Variants in RFPL1 observed in about 807,000 individuals in gnomAD.
RFPL1 encodes ret finger protein-like 1.
A neutral mutation model predicts 9.6 loss-of-function variants in RFPL1; 6 were observed. The ratio of observed to expected loss-of-function variants is 0.62; its 90% confidence interval spans 0.34 to 1.23. RFPL1 has a LOEUF of 1.23. RFPL1 is among the 50% of genes most tolerant of loss of function. RFPL1 has a pLI of 0.03. For synonymous variants in RFPL1, 145 were observed against 149.4 expected (o/e 0.97, Z 0.22); for missense variants, 352 against 398.4 (o/e 0.88, Z 0.99).
chr22:29,415,484 C>T, the RFPL1 span, among the ~76,000 whole-genome samples: 5 of 152,278 alleles, frequency 3.3e-5, no homozygotes, highest in African/African-American at 1.2e-4. Context: ...TACCCAGGAG[C>T]ATGCTCAGGA....
At chr22:29,393,848 G>T in the RFPL1 span, among the ~76,000 whole-genome samples, 1 of 152,094 alleles carries the variant, frequency 6.6e-6, no homozygotes, top group Admixed American at 6.5e-5. Flanking sequence ...ACTAATTTTT[G>T]TATTTTTAGT....
At chr22:29,413,987 C>T in the RFPL1 span, among the ~76,000 whole-genome samples, 1,093 of 152,320 alleles carry the variant, frequency 7.2e-3, 14 homozygotes, top group African/African-American at 0.025. Context: ...TTACCTTATA[C>T]ACCTTGCACA....
chr22:29,433,085 G>A, the RFPL1 span: 1 of 151,916 alleles, frequency 6.6e-6, no homozygotes, highest in Non-Finnish European at 1.5e-5. Context: ...TCGAGGTCAG[G>A]AGTTAAAGAC....
At chr22:29,441,394 G>A in intron 1 of RFPL1, 148 bp from the exon 2 acceptor site, 1 of 872,646 alleles carries the variant, frequency 1.1e-6, no homozygotes, top group Non-Finnish European at 1.8e-6. Context: ...AACTAGTCAG[G>A]GAAGTTGCCT....
chr22:29,394,674 C>T, the RFPL1 span, among the ~76,000 whole-genome samples: 1 of 152,246 alleles, frequency 6.6e-6, no homozygotes, highest in African/African-American at 2.4e-5. Flanking sequence ...TTTCTCTTCT[C>T]TGCGAACTGT....
At chr22:29,428,045 T>C in the RFPL1 span, among the ~76,000 whole-genome samples, 3 of 152,332 alleles carry the variant, frequency 2.0e-5, no homozygotes, top group South Asian at 6.2e-4. Flanking sequence ...CTTCTGTTCA[T>C]AAGTCCCTAT....
At chr22:29,406,854 G>A in the RFPL1 span, among the ~76,000 whole-genome samples, 9 of 152,044 alleles carry the variant, frequency 5.9e-5, no homozygotes, top group Non-Finnish European at 4.4e-5. Flanking sequence ...AGACGGCACG[G>A]GATTTGGCCT....
chr22:29,437,879 G>T, upstream of RFPL1: 1 of 680,152 alleles, frequency 1.5e-6, no homozygotes, highest in Non-Finnish European at 2.3e-6. Flanking sequence ...CAGTCACCCT[G>T]GATCCCCAGA....
At chr22:29,433,878 G>A (rs150060506), upstream of RFPL1, among the ~76,000 whole-genome samples, 2,480 of 152,188 alleles carry the variant, frequency 0.016, 29 homozygotes, top group Middle Eastern at 0.058. Flanking sequence ...GTTATTTAAA[G>A]TATTGTTGAA....
chr22:29,402,285 C>T, the RFPL1 span, among the ~76,000 whole-genome samples: 4 of 152,234 alleles, frequency 2.6e-5, no homozygotes, highest in South Asian at 2.1e-4. Flanking sequence ...ACAGCTGGAA[C>T]ACTGTCAGGC....
the RFPL1 span, among the ~76,000 whole-genome samples, chr22:29,399,004 G>A: frequency 6.6e-6 from 1 of 152,276 alleles, no homozygotes; most frequent in East Asian, 1.9e-4. Flanking sequence ...CTTGGTCAAA[G>A]CGACCTCCAG....
chr22:29,425,229 A>G, the RFPL1 span, among the ~76,000 whole-genome samples: 1 of 151,092 alleles, frequency 6.6e-6, no homozygotes, highest in African/African-American at 2.4e-5. Context: ...AAAGAAAACC[A>G]CACAACTCCA....
chr22:29,396,929 C>T, the RFPL1 span, among the ~76,000 whole-genome samples: 54 of 101,916 alleles, frequency 5.3e-4, no homozygotes, highest in Non-Finnish European at 8.7e-4. Context: ...TTTTTTGAGA[C>T]GGAGTCTCGC....
the RFPL1 span, chr22:29,388,641 T>A: frequency 1.7e-4 from 26 of 151,370 alleles, no homozygotes; most frequent in African/African-American, 6.1e-4. Flanking sequence ...CTGGCGGGGG[T>A]GGTGCCCGTG....
the RFPL1 span, among the ~76,000 whole-genome samples, chr22:29,425,158 T>C: frequency 6.8e-6 from 1 of 146,086 alleles, no homozygotes; most frequent in African/African-American, 2.5e-5. Flanking sequence ...GAGCCGAGAT[T>C]GCGCCACTGC....
At chr22:29,410,281 G>GATATATAT in the RFPL1 span, among the ~76,000 whole-genome samples, 2 of 110,912 alleles carry the variant, frequency 1.8e-5, no homozygotes, top group African/African-American at 6.8e-5. Context: ...TATATATATA[G>GATATATAT]ATCTATATAT....
At chr22:29,397,310 C>A in the RFPL1 span, among the ~76,000 whole-genome samples, 4 of 152,120 alleles carry the variant, frequency 2.6e-5, no homozygotes, top group Admixed American at 2.6e-4. Flanking sequence ...GTGCTTGAAC[C>A]CTGACTGAAT....
the RFPL1 span, among the ~76,000 whole-genome samples, chr22:29,412,326 T>C: frequency 3.9e-5 from 6 of 152,196 alleles, no homozygotes; most frequent in East Asian, 9.6e-4. Context: ...TGGCCAATGG[T>C]TGTCTGGCCC....
the RFPL1 span, among the ~76,000 whole-genome samples, chr22:29,421,272 TA>T: frequency 2.6e-5 from 4 of 151,926 alleles, no homozygotes; most frequent in Non-Finnish European, 5.9e-5. Context: ...AGAAATCCAC[TA>T]AAAAACCCCA....
Sources: allele counts gnomAD v4.1 joint callset (sites outside exome capture counted in the v4.1 genomes callset), GRCh38; gene constraint gnomAD v4.1.1; transcripts MANE v1.5; gene names NCBI Gene and HGNC (gene_info 2026-07-23, HGNC 2026-07-21).